The following CALN1 variants were observed in gnomAD, a reference collection of about 807,000 sequenced individuals.
CALN1 encodes calneuron 1.
In CALN1, 17 loss-of-function variants were observed where a neutral mutation model predicts 30.6. That is an observed-to-expected ratio of 0.56 (90% confidence interval 0.38 to 0.83). CALN1 has a LOEUF of 0.83. Among genes scored for constraint, CALN1 ranks in the 40% least tolerant of loss-of-function variants. The pLI, the probability that CALN1 is intolerant of heterozygous loss-of-function variation, is 0.00. For missense variants in CALN1, 291 were observed against 354.9 expected, an observed-to-expected ratio of 0.82 and a Z score of 1.45; for synonymous variants, 156 against 131.4, an observed-to-expected ratio of 1.19 and a Z score of -1.28.
intron 4 of CALN1, among the ~76,000 whole-genome samples, chr7:72,080,408 G>C (rs531642787): frequency 6.6e-6 from 1 of 152,328 alleles, no homozygotes; most frequent in South Asian, 2.1e-4. Context: ...CGTGCAGGCA[G>C]AACAGACCCG....
At chr7:72,186,877 G>C (rs1481016070) in intron 3 of CALN1, among the ~76,000 whole-genome samples, 3 of 133,800 alleles carry the variant, frequency 2.2e-5, no homozygotes, top group African/African-American at 8.4e-5. Context: ...AAACATATGA[G>C]TGCAGAGCTT....
intron 5 of CALN1, among the ~76,000 whole-genome samples, chr7:72,010,455 A>G (rs1800006485): frequency 6.6e-6 from 1 of 152,186 alleles, no homozygotes; most frequent in Admixed American, 6.6e-5. Flanking sequence ...AGGCAGCCAG[A>G]TGAAGCCCAA....
Position 71,780,406 on chromosome 7 carries a change from T to G in CALN1, c.*7369A>C, listed in dbSNP as rs563458638. 1 of 152,138 alleles carries G rather than the reference T, an allele frequency of 6.6e-6. No individual in the cohort carries two copies. The highest frequency in any genetic ancestry group is 6.6e-5 in the Admixed American group (1 of 15,256). The allele number at this position is 152,138 out of a possible 1,614,324, so 9.4% of individuals were successfully genotyped here. ...GGAAGAGGGAAAAAGAACAAGAATC[T>G]AGGGTTTTATGTTGCCTGGGGCAGA... On this transcript the variant is annotated 3_prime_UTR_variant, in exon 7 of 7. Transcript: ENST00000395275.
intron 3 of CALN1, among the ~76,000 whole-genome samples, chr7:72,217,109 T>G (rs1792883129): frequency 6.6e-6 from 1 of 152,026 alleles, no homozygotes; most frequent in African/African-American, 2.4e-5. Context: ...CAAGAAAGGA[T>G]TAAGAAAAGT....
At chr7:72,027,828 T>C (rs844689) in intron 4 of CALN1, among the ~76,000 whole-genome samples, 42,981 of 149,396 alleles carry the variant, frequency 0.29, 9,539 homozygotes, top group African/African-American at 0.62. Flanking sequence ...GAGGCCGAGG[T>C]GGGCGGATCA....
chr7:71,826,036 A>AC, intron 5 of CALN1, among the ~76,000 whole-genome samples: 1 of 129,470 alleles, frequency 7.7e-6, no homozygotes, highest in Non-Finnish European at 1.5e-5. Flanking sequence ...CTGTCTCAAA[A>AC]AAAAAAAAAA....
At chr7:72,347,029 A>C (rs2129559078) in intron 2 of CALN1, among the ~76,000 whole-genome samples, 1 of 152,264 alleles carries the variant, frequency 6.6e-6, no homozygotes, top group Non-Finnish European at 1.5e-5. Flanking sequence ...GAGCACAGCG[A>C]ATTGTCAAAC....
chr7:71,853,084 C>CTT (rs1297487473), intron 5 of CALN1, among the ~76,000 whole-genome samples: 2 of 147,500 alleles, frequency 1.4e-5, no homozygotes, highest in Non-Finnish European at 1.5e-5. Flanking sequence ...TTATTATTTG[C>CTT]TTTTTTTTTT....
chr7:71,990,750 G>T (rs958870561), intron 5 of CALN1, among the ~76,000 whole-genome samples: 1 of 152,146 alleles, frequency 6.6e-6, no homozygotes, highest in Non-Finnish European at 1.5e-5. Context: ...ACCACGCCCA[G>T]CCTATTCCCT....
intron 5 of CALN1, among the ~76,000 whole-genome samples, chr7:71,921,299 T>C (rs932924097): frequency 3.3e-5 from 5 of 152,206 alleles, no homozygotes; most frequent in Non-Finnish European, 5.9e-5. Flanking sequence ...CCATGGCATG[T>C]GTATACCTAT....
intron 3 of CALN1, among the ~76,000 whole-genome samples, chr7:72,117,871 T>C (rs559032138): frequency 1.3e-5 from 2 of 151,514 alleles, no homozygotes; most frequent in Admixed American, 6.6e-5. Context: ...GGCAGGAGAA[T>C]TGCTTGAACC....
intron 2 of CALN1, among the ~76,000 whole-genome samples, chr7:72,397,102 A>T (rs1316094147): frequency 6.6e-6 from 1 of 151,800 alleles, no homozygotes; most frequent in Non-Finnish European, 1.5e-5. Flanking sequence ...GCAGAGATGG[A>T]GTCTCACTAT....
chr7:72,323,193 G>A lies in CALN1; in HGVS notation c.120-44383C>T, dbSNP rs1801016193. Reference sequence around the variant, plus strand: ...TCAGAGTGTGCTGTGAGCCTTTGCAGTGAGTCTGTCTTGTTCTGAGGGGTG... The same window carrying A: ...TCAGAGTGTGCTGTGAGCCTTTGCAATGAGTCTGTCTTGTTCTGAGGGGTG... On this transcript the variant is annotated intron_variant, in intron 2 of 6. Coordinates refer to ENST00000395275, the MANE Select transcript of CALN1 (RefSeq NM_031468.4). 2.0e-5 allele frequency among the ~76,000 whole-genome samples: 3 copies of A among 152,228 alleles called. No homozygotes were observed. In the South Asian group the frequency reaches 6.2e-4, roughly 32 times the overall value.
At chr7:71,825,824 G>A (rs1157083800) in intron 5 of CALN1, among the ~76,000 whole-genome samples, 2 of 151,956 alleles carry the variant, frequency 1.3e-5, no homozygotes, top group Admixed American at 6.6e-5. Context: ...CTCGAGGTCA[G>A]GAGTTCAAGA....
At chr7:72,101,567 T>C (rs912040737) in intron 4 of CALN1, among the ~76,000 whole-genome samples, 7 of 152,040 alleles carry the variant, frequency 4.6e-5, no homozygotes, top group Admixed American at 4.6e-4. Context: ...GGATAAAACA[T>C]CTCTATCCTG....
chr7:72,209,678 C>T (rs1792251871), intron 3 of CALN1, among the ~76,000 whole-genome samples: 1 of 152,040 alleles, frequency 6.6e-6, no homozygotes, highest in Admixed American at 6.6e-5. Flanking sequence ...ACAAAAAACC[C>T]TCTCTACACT....
chr7:71,875,092 G>C (rs1384266746), intron 5 of CALN1, among the ~76,000 whole-genome samples: 1 of 151,192 alleles, frequency 6.6e-6, no homozygotes, highest in Non-Finnish European at 1.5e-5. Context: ...TTGAGCCTGG[G>C]AGGCAGTGGT....
intron 2 of CALN1, among the ~76,000 whole-genome samples, chr7:72,376,540 G>C (rs550661908): frequency 6.6e-6 from 1 of 152,176 alleles, no homozygotes; most frequent in South Asian, 2.1e-4. Flanking sequence ...CTAATTATTT[G>C]TCCTTTTTTA....
chr7:72,380,926 A>G (rs1455848339), intron 2 of CALN1, among the ~76,000 whole-genome samples: 1 of 152,172 alleles, frequency 6.6e-6, no homozygotes, highest in East Asian at 1.9e-4. Context: ...CCTTTGTGAG[A>G]CTGGGGCAGA....
Sources: allele counts gnomAD v4.1 joint callset (sites outside exome capture counted in the v4.1 genomes callset), GRCh38; gene constraint gnomAD v4.1.1; transcripts MANE v1.5; gene names NCBI Gene and HGNC (gene_info 2026-07-23, HGNC 2026-07-21).